Variants in TTC28 observed in about 807,000 individuals in gnomAD.
TTC28 encodes tetratricopeptide repeat domain 28.
In TTC28, 61 loss-of-function variants were observed where a neutral mutation model predicts 198.0. The ratio of observed to expected loss-of-function variants is 0.31; its 90% confidence interval spans 0.25 to 0.38. TTC28 has a LOEUF of 0.38. Ranked by LOEUF, TTC28 falls within the 10% of genes least tolerant of loss-of-function variation. The probability of loss-of-function intolerance (pLI) is 1.00; values close to 1 mark genes in which losing one functional copy is unlikely to be tolerated. For missense variants in TTC28, 2,678 were observed against 3,164.0 expected (o/e 0.85, Z 3.69); for synonymous variants, 1,171 against 1,297.8 (o/e 0.90, Z 2.10).
At chr22:28,257,451 A>G (rs567243559) in intron 5 of TTC28, among the ~76,000 whole-genome samples, 1 of 152,170 alleles carries the variant, frequency 6.6e-6, no homozygotes, top group African/African-American at 2.4e-5. Context: ...TGTAATTTGC[A>G]GCAACATGGA....
chr22:27,994,450 G>GT (rs138647), intron 17 of TTC28: 9,385 of 135,984 alleles, frequency 0.069, 806 homozygotes, highest in African/African-American at 0.21. Context: ...GTCACCTGAG[G>GT]TTTTTTTTTT....
At chr22:28,584,986 T>C (rs556237578) in intron 2 of TTC28, among the ~76,000 whole-genome samples, 88 of 152,290 alleles carry the variant, frequency 5.8e-4, no homozygotes, top group Non-Finnish European at 1.1e-3. Flanking sequence ...GACTATTCTT[T>C]TAAGAAGTCT....
rs551017006 is a variant in TTC28, at chr22:28,650,173, T to C, written c.103-20343A>G. ...AGAGGAGAATTCCAAGTACCACACA[T>C]GAAAAGGCAATCAGGAATGCTGAAA... On this transcript the variant is annotated intron_variant, in intron 1 of 22. Coordinates refer to ENST00000397906, the MANE Select transcript of TTC28 (RefSeq NM_001145418.2). Among the ~76,000 whole-genome samples the C allele has an allele frequency of 3.3e-5, 5 of 152,136 alleles. No individual in the cohort carries two copies. The South Asian group carries it at 6.2e-4, about 19-fold the overall frequency.
At chr22:28,336,344 T>G (rs573722994) in intron 2 of TTC28, among the ~76,000 whole-genome samples, 28 of 152,224 alleles carry the variant, frequency 1.8e-4, no homozygotes, top group Non-Finnish European at 4.1e-4. Flanking sequence ...AGGATAATGC[T>G]GGCCTCATAA....
chr22:28,508,607 C>G (rs981717268), intron 2 of TTC28, among the ~76,000 whole-genome samples: 15 of 151,716 alleles, frequency 9.9e-5, no homozygotes, highest in Admixed American at 9.8e-4. Flanking sequence ...TTTAAACCAA[C>G]AATGATCAAA....
intron 2 of TTC28, among the ~76,000 whole-genome samples, chr22:28,325,460 ACACAGTC>A (rs2045514027): frequency 6.6e-6 from 1 of 152,142 alleles, no homozygotes; most frequent in Admixed American, 6.6e-5. Context: ...TAACACTGAA[ACACAGTC>A]CATAAAGGAA....
intron 5 of TTC28, among the ~76,000 whole-genome samples, chr22:28,210,290 G>T (rs1437388452): frequency 6.6e-6 from 1 of 152,208 alleles, no homozygotes; most frequent in Non-Finnish European, 1.5e-5. Flanking sequence ...GATGGAGAAT[G>T]ACTTTGACAA....
At chr22:28,465,215 A>T (rs943615190) in intron 2 of TTC28, among the ~76,000 whole-genome samples, 1 of 152,246 alleles carries the variant, frequency 6.6e-6, no homozygotes, top group African/African-American at 2.4e-5. Flanking sequence ...AAACAGCCAG[A>T]GTACAATAAG....
chr22:28,103,910 T>C (rs1942226343), intron 8 of TTC28, among the ~76,000 whole-genome samples: 1 of 152,230 alleles, frequency 6.6e-6, no homozygotes, highest in African/African-American at 2.4e-5. Context: ...GTTGGAATTT[T>C]ACCACAGTCA....
intron 2 of TTC28, among the ~76,000 whole-genome samples, chr22:28,370,838 C>T (rs2046321169): frequency 6.6e-6 from 1 of 152,162 alleles, no homozygotes; most frequent in Admixed American, 6.5e-5. Context: ...GTCCCTGGCC[C>T]AGCAGCATTA....
At position 28,311,591 on chromosome 22, in the gene TTC28, G is replaced by A. The variant is rs891780516; in HGVS notation, c.382-4948C>T. 5.9e-5 allele frequency among the ~76,000 whole-genome samples: 9 copies of A among 152,050 alleles called. No homozygotes were observed. The East Asian group carries it at 1.4e-3, about 23-fold the overall frequency. ...AGATAGTTTAATACAAGCATACAAC[G>A]CATAATAATCACATCAGAGTAAATG... On this transcript the variant is annotated intron_variant, in intron 2 of 22. Transcript: ENST00000397906.
At chr22:28,189,567 A>C (rs1924533382) in intron 5 of TTC28, among the ~76,000 whole-genome samples, 1 of 151,584 alleles carries the variant, frequency 6.6e-6, no homozygotes, top group South Asian at 2.1e-4. Flanking sequence ...GCAATGAAAA[A>C]AAAAAACCAA....
chr22:28,381,089 T>C (rs970801167), intron 2 of TTC28, among the ~76,000 whole-genome samples: 2 of 142,274 alleles, frequency 1.4e-5, no homozygotes, highest in Admixed American at 7.1e-5. Flanking sequence ...GAGGCTGAAC[T>C]AGAAAAACAA....
chr22:28,282,779 A>G (rs1027748566), intron 5 of TTC28, among the ~76,000 whole-genome samples: 1 of 152,210 alleles, frequency 6.6e-6, no homozygotes, highest in Non-Finnish European at 1.5e-5. Flanking sequence ...AAATGTTATG[A>G]CTGAAAGAGA....
At position 28,107,066 on chromosome 22, in the gene TTC28, G is replaced by A. The variant is rs182189958; in HGVS notation, c.2779C>T (p.His927Tyr). The A allele has an allele frequency of 1.6e-4, 252 of 1,546,354 alleles. No individual in the cohort carries two copies. The East Asian group carries it at 4.9e-3, about 30-fold the overall frequency. ...AKAYRGLGNGHRAMGSLQQAL... is the reference protein window; with the variant it reads ...AKAYRGLGNGYRAMGSLQQAL... Reference sequence around the variant, plus strand: ...ATTGTCCTTGGTCATTTTTACCTGTGTCCATTTCCCAGGCCCCGGTAAGCC... The same window carrying A: ...ATTGTCCTTGGTCATTTTTACCTGTATCCATTTCCCAGGCCCCGGTAAGCC... Residue 927 changes from histidine to tyrosine, a missense_variant, in exon 7 of 23, where the codon CAC (histidine) becomes TAC (tyrosine). By Grantham distance (83) the His-to-Tyr change is moderately conservative (BLOSUM62 2). Around this residue, in one of 8 missense-constraint regions of TTC28, gnomAD observed 775 missense variants for 845.9 expected, o/e 0.92. Coordinates refer to ENST00000397906, the MANE Select transcript of TTC28 (RefSeq NM_001145418.2).
In TTC28 at chr22:28,629,711, G is replaced by T. The variant is rs2051141070; in HGVS notation, c.222C>A (p.Phe74Leu). 4 of 1,551,652 alleles carry T rather than the reference G, an allele frequency of 2.6e-6. No homozygotes were observed. The highest frequency in any genetic ancestry group is 3.5e-6 in the Non-Finnish European group (4 of 1,146,976). The part of the protein sequence containing the change: ...QSNQACHDGD[F>L]HTAIVLYNEA... The stretch of plus-strand genomic sequence containing the variant: ...CATTATACAGAACAATAGCTGTGTG[G>T]AAATCTCCATCATGACAGGCCTGAT... Residue 74 changes from phenylalanine (F) to leucine (L), a missense_variant, in exon 2 of 23, where the codon TTC (phenylalanine) becomes TTA (leucine). Phe to Leu is a conservative substitution (Grantham distance 22, BLOSUM62 0). Around this residue, in one of 8 missense-constraint regions of TTC28, gnomAD observed 176 missense variants for 197.9 expected, o/e 0.89. Coordinates refer to ENST00000397906, the MANE Select transcript of TTC28 (RefSeq NM_001145418.2).
At position 28,679,736 on chromosome 22, in the gene TTC28, CG is replaced by C. The variant is rs1444133635; in HGVS notation, c.-14del. On this transcript the variant is annotated 5_prime_UTR_variant, in exon 1 of 23. Transcript: ENST00000397906. The stretch of plus-strand genomic sequence containing the variant: ...GCGACTGCTCCATCCCCACGGGGCC[CG>C]GGCCGCGTCCGCCTCGAGCTAACGG... The C allele has an allele frequency of 2.1e-5, 26 of 1,211,460 alleles. No individual in the cohort carries two copies. The African/African-American group carries it at 2.7e-4, about 13-fold the overall frequency. 75.0% of individuals were successfully genotyped at this position (1,211,460 alleles called of 1,614,324 possible). A position where few individuals can be genotyped will look rare whatever the true frequency, so the allele number is the denominator to read the frequency against.
intron 5 of TTC28, among the ~76,000 whole-genome samples, chr22:28,292,975 C>T (rs970408634): frequency 5.9e-5 from 9 of 152,118 alleles, no homozygotes; most frequent in African/African-American, 2.2e-4. Context: ...AGATAAAATA[C>T]ATATTGCTGA....
chr22:28,225,278 C>A (rs534176388), intron 5 of TTC28, among the ~76,000 whole-genome samples: 1 of 151,742 alleles, frequency 6.6e-6, no homozygotes, highest in Non-Finnish European at 1.5e-5. Flanking sequence ...TTGCTTGAAC[C>A]CGAAAGGCGG....
Sources: allele counts gnomAD v4.1 joint callset (sites outside exome capture counted in the v4.1 genomes callset), GRCh38; gene constraint gnomAD v4.1.1; regional missense constraint gnomAD v4.1.1; transcripts MANE v1.5; gene names NCBI Gene and HGNC (gene_info 2026-07-23, HGNC 2026-07-21).